Variants in GREB1L observed in about 807,000 individuals in gnomAD.
GREB1L encodes GREB1-like protein.
A neutral mutation model predicts 200.8 loss-of-function variants in GREB1L; 17 were observed. That is an observed-to-expected ratio of 0.08 (90% CI 0.06 to 0.13). GREB1L has a LOEUF of 0.13. Among genes scored for constraint, GREB1L ranks in the 10% least tolerant of loss-of-function variants. GREB1L has a pLI of 1.00. For missense variants in GREB1L, 1,657 were observed against 2,367.7 expected (o/e 0.70, Z 6.23); for synonymous variants, 789 against 893.0 (o/e 0.88, Z 2.08).
chr18:21,246,252 A>G (rs2037600227), intron 1 of GREB1L, among the ~76,000 whole-genome samples: 1 of 152,210 alleles, frequency 6.6e-6, no homozygotes, highest in Non-Finnish European at 1.5e-5. Context: ...AATGGGTTAT[A>G]TTAATAGTTC....
At chr18:21,257,128 G>A (rs1227004437) in intron 1 of GREB1L, among the ~76,000 whole-genome samples, 4 of 151,844 alleles carry the variant, frequency 2.6e-5, no homozygotes, top group Middle Eastern at 3.2e-3. Context: ...TACTATGCCC[G>A]GCTAATTTTT....
intron 27 of GREB1L, among the ~76,000 whole-genome samples, chr18:21,512,352 T>A (rs2037272210): frequency 6.6e-6 from 1 of 152,232 alleles, no homozygotes; most frequent in Admixed American, 6.5e-5. Flanking sequence ...TCTTCCTTAA[T>A]TTCCTTCATC....
chr18:21,266,348 A>G (rs1205847326), intron 1 of GREB1L, among the ~76,000 whole-genome samples: 1 of 152,258 alleles, frequency 6.6e-6, no homozygotes, highest in Non-Finnish European at 1.5e-5. Flanking sequence ...TAATCTAGAA[A>G]AGATTTAAAG....
intron 1 of GREB1L, among the ~76,000 whole-genome samples, chr18:21,246,875 G>T (rs1233804353): frequency 6.6e-6 from 1 of 152,170 alleles, no homozygotes; most frequent in Non-Finnish European, 1.5e-5. Context: ...CTCAAAACTT[G>T]AGGAAAAATC....
chr18:21,410,504 A>G (rs965114541), intron 7 of GREB1L, among the ~76,000 whole-genome samples: 1 of 151,798 alleles, frequency 6.6e-6, no homozygotes, highest in African/African-American at 2.4e-5. Context: ...AAAACATAAA[A>G]ATTAACTAGG....
chr18:21,433,830 T>G (rs2033335892), intron 7 of GREB1L, among the ~76,000 whole-genome samples: 1 of 152,220 alleles, frequency 6.6e-6, no homozygotes, highest in South Asian at 2.1e-4. Context: ...CAGTCCCTTT[T>G]GACACTTTCC....
chr18:21,337,848 G>A (rs1162499874), intron 1 of GREB1L, among the ~76,000 whole-genome samples: 1 of 151,976 alleles, frequency 6.6e-6, no homozygotes, highest in African/African-American at 2.4e-5. Context: ...TTAGCTGGGC[G>A]TGGTGGTGGG....
At chr18:21,449,918 A>G (rs1408563802) in intron 12 of GREB1L, 82 bp downstream of exon 12, 1 of 1,065,466 alleles carries the variant, frequency 9.4e-7, no homozygotes, top group African/African-American at 1.6e-5. Flanking sequence ...TATGTGTTTC[A>G]GGCATCCACA....
In GREB1L at chr18:21,515,624, T is replaced by A; in HGVS notation, c.5109T>A (p.Asn1703Lys). The A allele has an allele frequency of 6.4e-7, 1 of 1,551,588 alleles. No homozygotes were observed. The highest frequency in any genetic ancestry group is 1.2e-5 in the South Asian group (1 of 84,064). The change falls in exon 29 of 33, where the codon AAT (asparagine) becomes AAA (lysine). Residue 1703 changes from asparagine (N) to lysine (K), a missense_variant. Transcript: ENST00000424526. ...FILLNTDLTQ[N>K]VQYDFNRYFC... ...TCCTCAACACAGACTTGACTCAGAA[T>A]GTGCAGTATGACTTCAACAGGTAAG...
intron 1 of GREB1L, among the ~76,000 whole-genome samples, chr18:21,279,513 A>G (rs1374675822): frequency 1.6e-4 from 24 of 152,236 alleles, no homozygotes; most frequent in Admixed American, 1.5e-3. Context: ...TTATACTTTT[A>G]GATACATAAT....
intron 27 of GREB1L, among the ~76,000 whole-genome samples, chr18:21,511,442 T>C (rs1036835205): frequency 2.0e-5 from 3 of 152,256 alleles, no homozygotes; most frequent in Non-Finnish European, 4.4e-5. Flanking sequence ...TTGTCTATTT[T>C]TTCTTAGCTT....
In GREB1L at chr18:21,480,512, TC is replaced by T. The variant is rs2035875144; in HGVS notation, c.2556+3157del. On this transcript the variant is annotated intron_variant, in intron 17 of 32. Coordinates refer to ENST00000424526, the MANE Select transcript of GREB1L (RefSeq NM_001142966.3). ...AAAGAAATCATCCCTGAAATTGAGA[TC>T]AACATGGGATAAAGGGAAAAAAAGC... 2.6e-5 allele frequency among the ~76,000 whole-genome samples: 4 copies of T among 151,998 alleles called. No homozygotes were observed. In the South Asian group the frequency reaches 8.3e-4, roughly 31 times the overall value.
At chr18:21,479,910 T>A (rs1335136325) in intron 17 of GREB1L, among the ~76,000 whole-genome samples, 1 of 152,050 alleles carries the variant, frequency 6.6e-6, no homozygotes, top group Non-Finnish European at 1.5e-5. Flanking sequence ...TGACTAATTT[T>A]AAAAATATTC....
rs572604569 is a variant in GREB1L at position 21,389,650 on chromosome 18, T to C, written c.355+5247T>C. ...TCAACACTAACTGTGCCTTCTCTAC[T>C]CTATACCTCTTTAGCCCAGAAACAA... On this transcript the variant is annotated intron_variant, in intron 4 of 32. Coordinates refer to ENST00000424526, the MANE Select transcript of GREB1L (RefSeq NM_001142966.3). Among the ~76,000 whole-genome samples the C allele has an allele frequency of 2.0e-5, 3 of 152,346 alleles. No individual in the cohort carries two copies. In the South Asian group the frequency reaches 6.2e-4, roughly 32 times the overall value.
chr18:21,485,840 G>A (rs1280890588), intron 18 of GREB1L, 87 bp downstream of exon 18: 142 of 1,341,068 alleles, frequency 1.1e-4, no homozygotes, highest in Non-Finnish European at 1.4e-4. Flanking sequence ...TCAGTGCTAC[G>A]GGGTGTTTGA....
intron 18 of GREB1L, among the ~76,000 whole-genome samples, chr18:21,487,874 G>T (rs1460556593): frequency 6.6e-6 from 1 of 151,580 alleles, no homozygotes; most frequent in Admixed American, 6.6e-5. Flanking sequence ...AGCCAGGCGT[G>T]GTGGCGGGCA....
intron 5 of GREB1L, among the ~76,000 whole-genome samples, chr18:21,397,618 G>A (rs2041138057): frequency 6.6e-6 from 1 of 152,098 alleles, no homozygotes; most frequent in African/African-American, 2.4e-5. Context: ...GGAGAATAGC[G>A]TGAACCCGGG....
chr18:21,454,638 T>C (rs1327245194), intron 15 of GREB1L, 75 bp downstream of exon 15: 10 of 1,111,068 alleles, frequency 9.0e-6, no homozygotes, highest in African/African-American at 1.5e-5. Context: ...TTTTGCTTAA[T>C]CCAAACGTCT....
chr18:21,297,295 A>G (rs1367013523), intron 1 of GREB1L, among the ~76,000 whole-genome samples: 1 of 152,130 alleles, frequency 6.6e-6, no homozygotes, highest in East Asian at 1.9e-4. Flanking sequence ...CTGGGCATGA[A>G]TTACAGGTGT....
Sources: gnomAD v4.1 joint callset for allele counts (sites outside exome capture counted in the v4.1 genomes callset) on GRCh38, gnomAD v4.1.1 for gene constraint, MANE v1.5 for transcripts, NCBI Gene and HGNC (gene_info 2026-07-23, HGNC 2026-07-21) for gene names.